DMD: variants seen among roughly 807,000 people sequenced by gnomAD.
DMD encodes dystrophin.
DMD carries 63 observed loss-of-function variants against 330.1 expected under a neutral mutation model. That is an observed-to-expected ratio of 0.19 (90% CI 0.16 to 0.24). The LOEUF is 0.24. DMD is among the 10% of genes least tolerant of loss of function. The probability of loss-of-function intolerance (pLI) is 1.00; values close to 1 mark genes in which losing one functional copy is unlikely to be tolerated. For synonymous variants in DMD, 1,223 were observed against 959.8 expected (o/e 1.27, Z -5.07); for missense variants, 3,344 against 2,684.1 (o/e 1.25, Z -5.43).
At chrX:31,705,131 G>A (rs2084085899) in intron 52 of DMD, among the ~76,000 whole-genome samples, 1 of 112,421 alleles carries the variant, frequency 8.9e-6, no homozygotes, top group South Asian at 3.7e-4. Context: ...TCTAATCTGG[G>A]CTTGAAAACA....
intron 9 of DMD, among the ~76,000 whole-genome samples, chrX:32,685,959 C>G (rs1436517369): frequency 1.8e-5 from 2 of 111,628 alleles, no homozygotes; most frequent in African/African-American, 6.5e-5. Context: ...GGTATCTCTT[C>G]AAAAGAATTA....
At chrX:33,290,139 C>T (rs1468645795) in intron 1 of DMD, among the ~76,000 whole-genome samples, 1 of 111,438 alleles carries the variant, frequency 9.0e-6, no homozygotes, top group Non-Finnish European at 1.9e-5. Flanking sequence ...TCTTCCTCAC[C>T]TTCATTTAAT....
At chrX:33,303,765 C>T (rs1302562255) in intron 1 of DMD, among the ~76,000 whole-genome samples, 1 of 111,619 alleles carries the variant, frequency 9.0e-6, no homozygotes, top group Non-Finnish European at 1.9e-5. Flanking sequence ...CCCCTTCTGC[C>T]ATGATTGTAA....
At chrX:33,031,599 C>T (rs187605085) in intron 1 of DMD, among the ~76,000 whole-genome samples, 16 of 110,601 alleles carry the variant, frequency 1.4e-4, no homozygotes, top group Non-Finnish European at 2.6e-4. Flanking sequence ...AGTGAAGCCC[C>T]GTCTCTACTA....
In DMD at chrX:33,044,356, C is replaced by T. The variant is rs759208382; in HGVS notation, c.32-24156G>A. 7.2e-5 allele frequency among the ~76,000 whole-genome samples: 8 copies of T among 111,059 alleles called. No homozygotes were observed. In the South Asian group the frequency reaches 2.3e-3, roughly 32 times the overall value. Reference sequence around the variant, plus strand: ...CTTAGGCAGGAGAATCACTTGAACCCGGGAGGAGGAGGTTGCAGTGAGCTG... The same window carrying T: ...CTTAGGCAGGAGAATCACTTGAACCTGGGAGGAGGAGGTTGCAGTGAGCTG... On this transcript the variant is annotated intron_variant, in intron 1 of 78. Transcript: ENST00000357033.
intron 45 of DMD, among the ~76,000 whole-genome samples, chrX:31,949,651 T>C (rs1369635496): frequency 2.7e-5 from 3 of 111,087 alleles, no homozygotes; most frequent in East Asian, 2.8e-4. Flanking sequence ...TGGACCTGGG[T>C]TTTTTTGTTG....
At chrX:31,233,612 G>A (rs1475036577) in intron 63 of DMD, among the ~76,000 whole-genome samples, 2 of 111,582 alleles carry the variant, frequency 1.8e-5, no homozygotes, top group Non-Finnish European at 1.9e-5. Context: ...TGTGGAAAGC[G>A]TATTTTAATG....
chrX:32,680,716 T>C (rs1326306899), intron 9 of DMD, among the ~76,000 whole-genome samples: 1 of 111,444 alleles, frequency 9.0e-6, no homozygotes, highest in Non-Finnish European at 1.9e-5. Context: ...AGAAATTTCA[T>C]TTTGAGCCTC....
At chrX:32,647,285 C>A (rs2059843114) in intron 9 of DMD, among the ~76,000 whole-genome samples, 1 of 111,889 alleles carries the variant, frequency 8.9e-6, no homozygotes, top group Admixed American at 9.5e-5. Flanking sequence ...TGTATCTGTC[C>A]TATTTGCATA....
intron 48 of DMD, among the ~76,000 whole-genome samples, chrX:31,872,721 C>T (rs768325309): frequency 3.6e-5 from 4 of 111,576 alleles, no homozygotes; most frequent in Admixed American, 1.9e-4. Flanking sequence ...CAATATTACG[C>T]CAGTTACTTT....
At chrX:31,432,493 T>TTGA (rs1391198489) in intron 60 of DMD, among the ~76,000 whole-genome samples, 1 of 112,567 alleles carries the variant, frequency 8.9e-6, no homozygotes, top group Non-Finnish European at 1.9e-5. Context: ...TTTATAACAT[T>TTGA]TGATAGTTTC....
chrX:32,746,163 C>G (rs751044899), intron 7 of DMD, among the ~76,000 whole-genome samples: 1 of 111,799 alleles, frequency 8.9e-6, no homozygotes, highest in South Asian at 3.8e-4. Context: ...ATGTTACTGG[C>G]ATATTCCCAT....
intron 49 of DMD, among the ~76,000 whole-genome samples, chrX:31,832,912 G>A (rs914416149): frequency 9.0e-6 from 1 of 111,337 alleles, no homozygotes; most frequent in Non-Finnish European, 1.9e-5. Context: ...ACAAGAAAAT[G>A]GCACCTAAAT....
chrX:31,170,902 A>G (rs1309873288), intron 73 of DMD, among the ~76,000 whole-genome samples: 3 of 112,217 alleles, frequency 2.7e-5, no homozygotes, highest in Non-Finnish European at 5.6e-5. Context: ...TTGTACTGCT[A>G]GAACTTCCCA....
intron 48 of DMD, among the ~76,000 whole-genome samples, chrX:31,868,594 TATATGGAGCTA>T (rs1275294811): frequency 8.9e-6 from 1 of 112,018 alleles, no homozygotes; most frequent in African/African-American, 3.2e-5. Context: ...TACTCTTGAC[TATATGGAGCTA>T]ATATAAGCCC....
chrX:32,650,821 A>G (rs1166583664), intron 9 of DMD, among the ~76,000 whole-genome samples: 2 of 112,310 alleles, frequency 1.8e-5, no homozygotes, highest in East Asian at 2.8e-4. Flanking sequence ...CTACTACCGC[A>G]TATACAACAG....
intron 54 of DMD, among the ~76,000 whole-genome samples, chrX:31,648,742 A>G (rs982738749): frequency 3.7e-5 from 4 of 107,259 alleles, no homozygotes; most frequent in African/African-American, 1.4e-4. Context: ...AGATTTCATA[A>G]AACTCATTAA....
intron 47 of DMD, among the ~76,000 whole-genome samples, chrX:31,882,369 C>T (rs1307606025): frequency 9.0e-6 from 1 of 111,464 alleles, no homozygotes; most frequent in Non-Finnish European, 1.9e-5. Flanking sequence ...CTTGACTCTC[C>T]ACATCATACA....
At chrX:32,196,051 C>T (rs988948079) in intron 44 of DMD, among the ~76,000 whole-genome samples, 5 of 112,240 alleles carry the variant, frequency 4.5e-5, no homozygotes, top group African/African-American at 1.3e-4. Context: ...GTCTTTAAAA[C>T]TTCACATTTA....
Sources: gnomAD v4.1 joint callset for allele counts (sites outside exome capture counted in the v4.1 genomes callset) on GRCh38, gnomAD v4.1.1 for gene constraint, MANE v1.5 for transcripts, NCBI Gene and HGNC (gene_info 2026-07-23, HGNC 2026-07-21) for gene names.